The following DNAH3 variants were observed in gnomAD, a reference collection of about 807,000 sequenced individuals.
DNAH3 encodes the protein axonemal beta dynein heavy chain 3.
A neutral mutation model predicts 432.5 loss-of-function variants in DNAH3; 332 were observed. That is an observed-to-expected ratio of 0.77 (90% CI 0.70 to 0.84). DNAH3 has a LOEUF of 0.84. Among genes scored for constraint, DNAH3 ranks in the 40% least tolerant of loss-of-function variants. DNAH3 has a pLI of 0.00. For missense variants in DNAH3, 4,861 were observed against 5,114.0 expected, an observed-to-expected ratio of 0.95 and a Z score of 1.51; for synonymous variants, 1,956 against 1,900.2, an observed-to-expected ratio of 1.03 and a Z score of -0.76.
intron 52 of DNAH3, among the ~76,000 whole-genome samples, chr16:20,965,799 G>A (rs970079575): frequency 1.3e-5 from 2 of 152,096 alleles, no homozygotes; most frequent in African/African-American, 4.8e-5. Flanking sequence ...TGCAACCTTC[G>A]CCTCCTGGGT....
At chr16:21,023,784 G>GGGGT (rs1555530902) in intron 39 of DNAH3, among the ~76,000 whole-genome samples, 1 of 110,022 alleles carries the variant, frequency 9.1e-6, no homozygotes, top group Non-Finnish European at 1.8e-5. Context: ...GGCAGCTTTT[G>GGGGT]GGGTGTGTGT....
chr16:20,971,806 T>C, intron 51 of DNAH3, among the ~76,000 whole-genome samples: 1 of 152,226 alleles, frequency 6.6e-6, no homozygotes, highest in East Asian at 1.9e-4. Context: ...GGGGCTAGCC[T>C]TGGTCACATA....
chr16:21,159,315 C>A, intron 1 of DNAH3: 1 of 1,610,794 alleles, frequency 6.2e-7, no homozygotes, highest in Non-Finnish European at 8.5e-7. Flanking sequence ...GACGCGGACC[C>A]CCTCTCCACC....
At chr16:21,096,982 A>C (rs568167270) in intron 18 of DNAH3, among the ~76,000 whole-genome samples, 2 of 152,114 alleles carry the variant, frequency 1.3e-5, no homozygotes, top group African/African-American at 4.8e-5. Context: ...CCAACTCCTC[A>C]ATACCTTTCT....
exon 6 of DNAH3, chr16:21,136,457 C>T (rs1567855702): frequency 1.9e-6 from 3 of 1,614,180 alleles, no homozygotes; most frequent in Non-Finnish European, 2.5e-6. Flanking sequence ...TCACTTCACC[C>T]TCCTCAGGGG....
At chr16:21,022,598 T>C (rs1343741843) in intron 39 of DNAH3, among the ~76,000 whole-genome samples, 1 of 152,168 alleles carries the variant, frequency 6.6e-6, no homozygotes, top group Non-Finnish European at 1.5e-5. Context: ...TTATATGTTC[T>C]TCTTTGGGGT....
intron 58 of DNAH3, among the ~76,000 whole-genome samples, chr16:20,942,917 T>G (rs1161771605): frequency 6.6e-6 from 1 of 152,152 alleles, no homozygotes; most frequent in African/African-American, 2.4e-5. Context: ...ATTGTTGTTG[T>G]TACTGTTTTG....
exon 17 of DNAH3, chr16:21,098,671 A>G (rs2091757860): frequency 2.5e-6 from 4 of 1,613,852 alleles, no homozygotes; most frequent in Non-Finnish European, 3.4e-6. Context: ...AAGCTTTTCA[A>G]CATTGTGCTT....
intron 20 of DNAH3, among the ~76,000 whole-genome samples, chr16:21,080,761 A>G (rs2091155292): frequency 6.6e-6 from 1 of 151,976 alleles, no homozygotes; most frequent in Admixed American, 6.6e-5. Context: ...AGGCAATGCA[A>G]CATCTCCCCA....
At chr16:21,153,907 A>C (rs927318941) in intron 1 of DNAH3, among the ~76,000 whole-genome samples, 3 of 152,182 alleles carry the variant, frequency 2.0e-5, no homozygotes, top group Admixed American at 6.5e-5. Context: ...CTTTCAAAAT[A>C]ACCCTGAGCT....
At chr16:20,994,584 C>T (rs2086685613) in intron 44 of DNAH3, among the ~76,000 whole-genome samples, 1 of 152,240 alleles carries the variant, frequency 6.6e-6, no homozygotes, top group South Asian at 2.1e-4. Context: ...CTCCACCATT[C>T]ATCTACAGAA....
chr16:20,979,365 T>A (rs776699172), exon 50 of DNAH3: 2 of 1,614,156 alleles, frequency 1.2e-6, no homozygotes, highest in Non-Finnish European at 1.7e-6. Flanking sequence ...TGCAAGCCTG[T>A]CAGGTAGCGG....
chr16:21,109,405 G>C (rs2092019518), intron 14 of DNAH3, among the ~76,000 whole-genome samples: 1 of 152,056 alleles, frequency 6.6e-6, no homozygotes, highest in African/African-American at 2.4e-5. Flanking sequence ...ATTCTGTGCA[G>C]GGTACTTATA....
chr16:20,975,596 T>C (rs1473956839), intron 50 of DNAH3, among the ~76,000 whole-genome samples, 181 bp from the exon 51 acceptor site: 1 of 152,248 alleles, frequency 6.6e-6, no homozygotes, highest in African/African-American at 2.4e-5. Flanking sequence ...AACACAGTTA[T>C]TGAGTTTACA....
intron 14 of DNAH3, among the ~76,000 whole-genome samples, chr16:21,108,412 T>C (rs1462807318): frequency 6.6e-5 from 10 of 152,080 alleles, no homozygotes; most frequent in Admixed American, 6.6e-4. Flanking sequence ...GATGATTGCT[T>C]AAGGGAAAAA....
chr16:21,118,477 A>C (rs542310125), intron 11 of DNAH3, among the ~76,000 whole-genome samples: 1 of 152,254 alleles, frequency 6.6e-6, no homozygotes, highest in Non-Finnish European at 1.5e-5. Context: ...TCTGTCACCC[A>C]GGCTGGAGTG....
rs1022714946 is a variant in DNAH3 at position 21,036,610 on chromosome 16, C to T, written c.5085+104G>A. On this transcript the variant is annotated intron_variant, in intron 35 of 61. Coordinates refer to ENST00000261383, the Ensembl canonical transcript of DNAH3. ...TTTACTTGCATTTCTACACAGGCAC[C>T]TCTGATTGCTGTCACTTCAGTTCCA... The T allele has an allele frequency of 6.4e-6, 7 of 1,091,194 alleles. No homozygotes were observed. The Admixed American group carries it at 6.7e-5, about 11-fold the overall frequency. 67.6% of individuals were successfully genotyped at this position (1,091,194 alleles called of 1,614,324 possible).
intron 59 of DNAH3, among the ~76,000 whole-genome samples, 167 bp from the exon 60 acceptor site, chr16:20,937,020 A>G (rs1166727304): frequency 1.3e-5 from 2 of 152,222 alleles, no homozygotes; most frequent in East Asian, 3.8e-4. Context: ...ACGTTGATGT[A>G]TATCTTTCCA....
At chr16:21,155,414 G>A (rs1333924173) in intron 1 of DNAH3, among the ~76,000 whole-genome samples, 1 of 151,994 alleles carries the variant, frequency 6.6e-6, no homozygotes, top group Admixed American at 6.5e-5. Flanking sequence ...ACAAAGTCAG[G>A]AGTTTGAGAC....
Sources: gnomAD v4.1 joint callset for allele counts (sites outside exome capture counted in the v4.1 genomes callset) on GRCh38, gnomAD v4.1.1 for gene constraint, MANE v1.5 for transcripts, NCBI Gene and HGNC (gene_info 2026-07-23, HGNC 2026-07-21) for gene names.